The following ZFHX3 variants were observed in gnomAD, a reference collection of about 807,000 sequenced individuals.
ZFHX3 encodes the protein zinc finger homeobox 3.
Under a neutral mutation model 279.1 loss-of-function variants are expected in ZFHX3, and 42 were observed. The observed-to-expected ratio is 0.15, with a 90% CI of 0.12 to 0.19. ZFHX3 has a LOEUF of 0.19. Among genes scored for constraint, ZFHX3 ranks in the 10% least tolerant of loss-of-function variants. The pLI, the probability that ZFHX3 is intolerant of heterozygous loss-of-function variation, is 1.00. For synonymous variants in ZFHX3, 2,293 were observed against 1,957.8 expected, an observed-to-expected ratio of 1.17 and a Z score of -4.52; for missense variants, 4,981 against 4,754.0, an observed-to-expected ratio of 1.05 and a Z score of -1.40.
At chr16:72,988,129 G>A (rs560231464) in intron 1 of ZFHX3, among the ~76,000 whole-genome samples, 7 of 152,268 alleles carry the variant, frequency 4.6e-5, no homozygotes, top group Middle Eastern at 3.4e-3. Flanking sequence ...AGGGCCAGTC[G>A]AGCCTGCATA....
intron 7 of ZFHX3, among the ~76,000 whole-genome samples, chr16:73,095,292 C>T (rs752347065): frequency 6.6e-6 from 1 of 152,156 alleles, no homozygotes; most frequent in Non-Finnish European, 1.5e-5. Context: ...CCCATCTTGC[C>T]TCTCCCTGTC....
chr16:72,835,522 AAAT>A (rs1378939193), intron 4 of ZFHX3, among the ~76,000 whole-genome samples: 1 of 152,212 alleles, frequency 6.6e-6, no homozygotes, highest in African/African-American at 2.4e-5. Context: ...TTGAAAAACA[AAAT>A]AACCTATCTG....
At chr16:73,714,996 T>C (rs2053400623) in intron 1 of ZFHX3, among the ~76,000 whole-genome samples, 1 of 152,202 alleles carries the variant, frequency 6.6e-6, no homozygotes, top group South Asian at 2.1e-4. Flanking sequence ...CATTGCCTTT[T>C]AAAAATGCTT....
intron 1 of ZFHX3, among the ~76,000 whole-genome samples, chr16:73,740,960 A>G (rs1167731981): frequency 6.6e-6 from 1 of 151,922 alleles, no homozygotes; most frequent in East Asian, 1.9e-4. Context: ...TAGACTTTCC[A>G]CATTTTTTAA....
intron 2 of ZFHX3, among the ~76,000 whole-genome samples, chr16:73,633,757 G>A (rs1479547970): frequency 6.6e-6 from 1 of 152,124 alleles, no homozygotes; most frequent in African/African-American, 2.4e-5. Flanking sequence ...AATTAGTTGG[G>A]CATGGTGGCA....
chr16:73,666,091 C>G (rs913594422), intron 2 of ZFHX3, among the ~76,000 whole-genome samples: 2 of 151,904 alleles, frequency 1.3e-5, no homozygotes, highest in Non-Finnish European at 2.9e-5. Context: ...GCTGGGGTTA[C>G]AGGCGTGAGC....
intron 4 of ZFHX3, among the ~76,000 whole-genome samples, chr16:72,878,642 T>C (rs2038380766): frequency 6.6e-6 from 1 of 152,244 alleles, no homozygotes. Flanking sequence ...AATCCAGCAA[T>C]GGATCACACT....
At chr16:73,518,504 G>A (rs1004316048) in intron 2 of ZFHX3, among the ~76,000 whole-genome samples, 2 of 152,170 alleles carry the variant, frequency 1.3e-5, no homozygotes, top group Non-Finnish European at 1.5e-5. Context: ...AGGGGACTGA[G>A]AGGAGATGTG....
intron 3 of ZFHX3, among the ~76,000 whole-genome samples, chr16:73,424,650 A>G (rs533353726): frequency 6.9e-6 from 1 of 145,798 alleles, no homozygotes; most frequent in East Asian, 2.2e-4. Context: ...GCCGCTTGGG[A>G]GGCTGAGATG....
chr16:72,866,891 G>A (rs1307662451), intron 4 of ZFHX3, among the ~76,000 whole-genome samples: 2 of 152,222 alleles, frequency 1.3e-5, no homozygotes, highest in Non-Finnish European at 1.5e-5. Flanking sequence ...ACTGAAGCCA[G>A]AGAATGACCT....
At chr16:73,348,262 G>C (rs1177861370) in intron 3 of ZFHX3, among the ~76,000 whole-genome samples, 1 of 152,098 alleles carries the variant, frequency 6.6e-6, no homozygotes, top group East Asian at 1.9e-4. Context: ...ACATTGGTGA[G>C]AAAATAAGTC....
chr16:73,597,537 G>C (rs868636906), intron 2 of ZFHX3, among the ~76,000 whole-genome samples: 1 of 152,184 alleles, frequency 6.6e-6, no homozygotes, highest in Admixed American at 6.5e-5. Context: ...TATGGGATAA[G>C]GGTTGGCCCT....
intron 2 of ZFHX3, among the ~76,000 whole-genome samples, chr16:73,458,545 T>G (rs1197571789): frequency 6.6e-6 from 1 of 152,044 alleles, no homozygotes; most frequent in East Asian, 1.9e-4. Flanking sequence ...CCTGCTAATT[T>G]TTGTATTTCA....
intron 5 of ZFHX3, among the ~76,000 whole-genome samples, chr16:73,148,637 T>C (rs2144843216): frequency 6.8e-6 from 1 of 146,220 alleles, no homozygotes; most frequent in South Asian, 2.3e-4. Flanking sequence ...GTGCTTCCAT[T>C]TCCTCATTTT....
chr16:72,879,430 C>CA (rs1647236794), intron 4 of ZFHX3, among the ~76,000 whole-genome samples: 1 of 152,086 alleles, frequency 6.6e-6, no homozygotes. Flanking sequence ...GTTTCTATTT[C>CA]TTTTTTTTCT....
chr16:73,735,427 C>T (rs1267256780), intron 1 of ZFHX3, among the ~76,000 whole-genome samples: 1 of 151,034 alleles, frequency 6.6e-6, no homozygotes, highest in East Asian at 1.9e-4. Flanking sequence ...CCCCTCTCCC[C>T]AGTCCTTGGT....
chr16:73,034,803 C>T (rs1337356762), intron 1 of ZFHX3, among the ~76,000 whole-genome samples: 9 of 152,186 alleles, frequency 5.9e-5, no homozygotes, highest in Non-Finnish European at 8.8e-5. Context: ...CCCACCTGTA[C>T]GCCAGGAAGC....
intron 3 of ZFHX3, among the ~76,000 whole-genome samples, chr16:72,940,132 G>A (rs547001258): frequency 2.0e-5 from 3 of 151,904 alleles, no homozygotes; most frequent in South Asian, 4.2e-4. Flanking sequence ...GGCTGGTCTT[G>A]AACTCCCGGG....
At chr16:73,069,327 G>A (rs1465853026) in intron 8 of ZFHX3, among the ~76,000 whole-genome samples, 1 of 152,158 alleles carries the variant, frequency 6.6e-6, no homozygotes, top group Admixed American at 6.5e-5. Flanking sequence ...CCCCAATAAG[G>A]GATGTTAAGC....
Sources: gnomAD v4.1 joint callset for allele counts (sites outside exome capture counted in the v4.1 genomes callset) on GRCh38, gnomAD v4.1.1 for gene constraint, MANE v1.5 for transcripts, NCBI Gene and HGNC (gene_info 2026-07-23, HGNC 2026-07-21) for gene names.